The following SLC10A6 variants were observed in gnomAD, a reference collection of about 807,000 sequenced individuals.
SLC10A6 encodes sodium-dependent organic anion transporter.
Under a neutral mutation model 30.0 loss-of-function variants are expected in SLC10A6, and 27 were observed. The observed-to-expected ratio is 0.90, with a 90% confidence interval of 0.66 to 1.24. SLC10A6 has a LOEUF of 1.24. SLC10A6 is among the 50% of genes most tolerant of loss of function. The pLI is 0.00. For synonymous variants in SLC10A6, 166 were observed against 173.8 expected (o/e 0.95, Z 0.36); for missense variants, 439 against 457.0 (o/e 0.96, Z 0.36).
chr4:86,849,185 A>G lies in SLC10A6; in HGVS notation c.-70T>C, dbSNP rs1225126139. The G allele has an allele frequency of 6.6e-7, 1 of 1,510,886 alleles. No individual in the cohort carries two copies. The highest frequency in any genetic ancestry group is 1.4e-5 in the African/African-American group (1 of 71,972). The allele number at this position is 1,510,886 out of a possible 1,614,324, so 93.6% of individuals were successfully genotyped here. On this transcript the variant is annotated 5_prime_UTR_variant, in exon 1 of 6. Transcript: ENST00000273905. The stretch of plus-strand genomic sequence containing the variant: ...AATGGCTGGGCAGGTCTATCCTGCC[A>G]CATTTTGTAATAGTGCAACGAAGTC...
chr4:86,846,952 T>C (rs1217492725), intron 1 of SLC10A6, among the ~76,000 whole-genome samples: 1 of 152,208 alleles, frequency 6.6e-6, no homozygotes, highest in Admixed American at 6.5e-5. Flanking sequence ...TGTTCATTGG[T>C]GTTTTTATGA....
At chr4:86,833,528 G>T in intron 1 of SLC10A6, 104 bp from the exon 2 acceptor site, 1 of 768,442 alleles carries the variant, frequency 1.3e-6, no homozygotes, top group Non-Finnish European at 2.2e-6. Context: ...GAGATTACAT[G>T]GACTAAGCTC....
chr4:86,842,859 T>TTTCTTTCTTTCTTTCTTTC (rs1746326236), intron 1 of SLC10A6, among the ~76,000 whole-genome samples: 1 of 54,904 alleles, frequency 1.8e-5, no homozygotes, highest in Non-Finnish European at 3.3e-5. Flanking sequence ...TCTTTCTTTC[T>TTTCTTTCTTTCTTTCTTTC]TTCTTTCTTT....
intron 1 of SLC10A6, among the ~76,000 whole-genome samples, chr4:86,844,187 C>A (rs1297071091): frequency 2.0e-5 from 3 of 151,900 alleles, no homozygotes; most frequent in African/African-American, 7.3e-5. Flanking sequence ...CAAAAAAAAT[C>A]AAAATAAAAA....
chr4:86,842,806 CT>C (rs1225471811), intron 1 of SLC10A6, among the ~76,000 whole-genome samples: 1 of 9,306 alleles, frequency 1.1e-4, no homozygotes, highest in Non-Finnish European at 1.6e-4. Context: ...TTCTTTCTTT[CT>C]TTCTTTCTTT....
rs200164392 is a variant in SLC10A6 at position 86,848,878 on chromosome 4, G to T, written c.238C>A (p.Pro80Thr). 6.2e-7 allele frequency: 1 copy of T among 1,614,202 alleles called. No homozygotes were observed. Among genetic ancestry groups the T allele is most frequent in the African/African-American group, 1.3e-5 (1 of 75,044 alleles). The change falls in exon 1 of 6, where the codon CCT becomes ACT. Residue 80 changes from proline (P) to threonine (T), a missense_variant. By Grantham distance (38) the Pro-to-Thr change is conservative. Coordinates refer to ENST00000273905, the MANE Select transcript of SLC10A6 (RefSeq NM_197965.3). ...VGLLCQFGLM[P>T]FTAYLLAISF... is the part of the protein sequence containing the mutation. ...ATGGCCAGGAGATAAGCTGTAAAAG[G>T]CATGAGCCCAAACTGGCAGAGCAGT...
At chr4:86,848,250 G>A (rs1457501930) in intron 1 of SLC10A6, among the ~76,000 whole-genome samples, 1 of 152,130 alleles carries the variant, frequency 6.6e-6, no homozygotes, top group Non-Finnish European at 1.5e-5. Flanking sequence ...CACCCCTAAA[G>A]CTCCTTTATC....
intron 1 of SLC10A6, chr4:86,837,743 C>T (rs1199801198): frequency 4.4e-6 from 2 of 453,838 alleles, no homozygotes; most frequent in African/African-American, 2.1e-5. Flanking sequence ...CCCATCAGAC[C>T]AGTCAAATAT....
At position 86,833,770 on chromosome 4, in the gene SLC10A6, G is replaced by A. The variant is rs539379938; in HGVS notation, c.378-346C>T. ...TCATTTTAAATTATACAATTCAGCAGTTTTTAGTATAGTCACAACATTATG... is the reference window on the plus strand; with the variant it reads ...TCATTTTAAATTATACAATTCAGCAATTTTTAGTATAGTCACAACATTATG... On this transcript the variant is annotated intron_variant, in intron 1 of 5. Coordinates refer to ENST00000273905, the MANE Select transcript of SLC10A6 (RefSeq NM_197965.3). 1.8e-3 allele frequency among the ~76,000 whole-genome samples: 280 copies of A among 152,228 alleles called. 1 individual carries two copies. The highest frequency in any genetic ancestry group is 3.4e-3 in the Non-Finnish European group (230 of 68,026).
chr4:86,831,175 T>G (rs1746074970), intron 3 of SLC10A6, among the ~76,000 whole-genome samples: 2 of 152,300 alleles, frequency 1.3e-5, no homozygotes, highest in South Asian at 4.1e-4. Flanking sequence ...ACAAAGACAT[T>G]TGCTTGTTTC....
chr4:86,839,911 T>A (rs926892308), intron 1 of SLC10A6, among the ~76,000 whole-genome samples: 2 of 150,834 alleles, frequency 1.3e-5, no homozygotes, highest in East Asian at 1.9e-4. Context: ...TTATTTTTTT[T>A]TTTTATTTTT....
chr4:86,840,962 A>AGTAG (rs1746279908), intron 1 of SLC10A6, among the ~76,000 whole-genome samples: 1 of 152,230 alleles, frequency 6.6e-6, no homozygotes, highest in East Asian at 1.9e-4. Context: ...GCAATTTAAA[A>AGTAG]GAAAAAAAGC....
chr4:86,832,656 C>A (rs1256663729), intron 2 of SLC10A6, among the ~76,000 whole-genome samples: 1 of 151,656 alleles, frequency 6.6e-6, no homozygotes, highest in Non-Finnish European at 1.5e-5. Flanking sequence ...CTAGAAAAGG[C>A]AGATCATTTC....
chr4:86,846,674 C>T (rs1464513406), intron 1 of SLC10A6, among the ~76,000 whole-genome samples: 6 of 152,160 alleles, frequency 3.9e-5, no homozygotes, highest in South Asian at 2.1e-4. Context: ...TGCAGCGAGC[C>T]GAGATCGCAC....
intron 1 of SLC10A6, among the ~76,000 whole-genome samples, chr4:86,841,938 G>A (rs1746298153): frequency 1.3e-5 from 2 of 152,166 alleles, no homozygotes; most frequent in East Asian, 3.9e-4. Flanking sequence ...ACCCTTGTCT[G>A]CTGCCTTCCA....
At chr4:86,830,119 G>A (rs1165761988) in intron 3 of SLC10A6, among the ~76,000 whole-genome samples, 3 of 152,212 alleles carry the variant, frequency 2.0e-5, no homozygotes, top group Non-Finnish European at 2.9e-5. Context: ...AAAGGGGCCA[G>A]GCACAGTGGC....
intron 1 of SLC10A6, 144 bp downstream of exon 1, chr4:86,848,595 G>A: frequency 8.9e-7 from 1 of 1,126,964 alleles, no homozygotes; most frequent in South Asian, 1.6e-5. Flanking sequence ...CCCACCCATG[G>A]CTGAACAAGT....
chr4:86,845,357 C>A (rs528644440), intron 1 of SLC10A6, among the ~76,000 whole-genome samples: 76 of 152,232 alleles, frequency 5.0e-4, no homozygotes, highest in African/African-American at 1.6e-3. Context: ...GACTAAAAAC[C>A]ATTGTTCTTA....
intron 1 of SLC10A6, among the ~76,000 whole-genome samples, chr4:86,846,306 A>C (rs1746390669): frequency 6.6e-6 from 1 of 152,112 alleles, no homozygotes; most frequent in South Asian, 2.1e-4. Flanking sequence ...TGTTGGTAAG[A>C]CTCAAAATCA....
Sources: allele counts gnomAD v4.1 joint callset (sites outside exome capture counted in the v4.1 genomes callset), GRCh38; gene constraint gnomAD v4.1.1; transcripts MANE v1.5; gene names NCBI Gene and HGNC (gene_info 2026-07-23, HGNC 2026-07-21).